The following TTLL11 variants were observed in gnomAD, a reference collection of about 807,000 sequenced individuals.
TTLL11 encodes the protein tubulin polyglutamylase TTLL11.
Under a neutral mutation model 51.7 loss-of-function variants are expected in TTLL11, and 42 were observed. The ratio of observed to expected loss-of-function variants is 0.81; its 90% CI spans 0.64 to 1.05. TTLL11 has a LOEUF of 1.05. TTLL11 is among the 50% of genes least tolerant of loss of function. TTLL11 has a pLI of 0.00. For synonymous variants in TTLL11, 381 were observed against 383.5 expected, an observed-to-expected ratio of 0.99 and a Z score of 0.08; for missense variants, 799 against 940.4, an observed-to-expected ratio of 0.85 and a Z score of 1.97.
At chr9:121,913,340 A>C (rs556818946) in intron 6 of TTLL11, among the ~76,000 whole-genome samples, 55 of 152,290 alleles carry the variant, frequency 3.6e-4, no homozygotes, top group Middle Eastern at 3.4e-3. Context: ...GGATCTGTCC[A>C]TTGGCAAAAA....
chr9:121,834,303 A>G (rs1019663548), intron 8 of TTLL11, among the ~76,000 whole-genome samples: 1 of 152,202 alleles, frequency 6.6e-6, no homozygotes, highest in African/African-American at 2.4e-5. Flanking sequence ...TACACATGGT[A>G]GATCAAACCT....
intron 6 of TTLL11, among the ~76,000 whole-genome samples, chr9:121,909,998 T>C (rs1840060902): frequency 6.6e-6 from 1 of 152,140 alleles, no homozygotes; most frequent in Non-Finnish European, 1.5e-5. Context: ...GATGCGATTT[T>C]CCCCCATAAC....
intron 6 of TTLL11, among the ~76,000 whole-genome samples, chr9:121,963,408 C>T (rs1321106032): frequency 2.0e-5 from 3 of 152,212 alleles, no homozygotes; most frequent in African/African-American, 7.2e-5. Flanking sequence ...TCTAAAAGCA[C>T]ACGAACATTT....
chr9:121,936,786 A>C (rs186153345), intron 6 of TTLL11, among the ~76,000 whole-genome samples: 3 of 152,382 alleles, frequency 2.0e-5, no homozygotes, highest in Non-Finnish European at 4.4e-5. Flanking sequence ...TAAAACATAC[A>C]TTTTAAAATA....
At chr9:121,972,627 T>C (rs1588167049) in intron 6 of TTLL11, among the ~76,000 whole-genome samples, 2 of 152,266 alleles carry the variant, frequency 1.3e-5, no homozygotes, top group African/African-American at 4.8e-5. Context: ...ACTCAGACTA[T>C]GACCAATACT....
rs1224902073 is a variant in TTLL11, at chr9:121,989,845, C to T, written c.694-75G>A. On this transcript the variant is annotated intron_variant, in intron 3 of 8. Transcript: ENST00000321582. This position sits in a 1 kb window ranked among gnomAD's most constrained non-coding sequence, Gnocchi z 4.2. ...TCCCTAACACAGAGCAAGGCCTTAG[C>T]AAATGTGTGGTGAATGAGTGACAAG... 3 of 1,517,332 alleles carry T rather than the reference C, an allele frequency of 2.0e-6. No individual in the cohort carries two copies. Among genetic ancestry groups the T allele is most frequent in the Non-Finnish European group, 2.6e-6 (3 of 1,139,596 alleles). 94.0% of individuals were successfully genotyped at this position (1,517,332 alleles called of 1,614,324 possible).
At chr9:122,019,160 C>G (rs1433780528) in intron 3 of TTLL11, among the ~76,000 whole-genome samples, 1 of 152,220 alleles carries the variant, frequency 6.6e-6, no homozygotes, top group Non-Finnish European at 1.5e-5. Flanking sequence ...TGATCTTTCT[C>G]TGCCTAAGAT....
chr9:122,032,224 C>T (rs925481638), intron 2 of TTLL11, among the ~76,000 whole-genome samples: 2 of 152,144 alleles, frequency 1.3e-5, no homozygotes, highest in East Asian at 1.9e-4. Flanking sequence ...GGCCACCTTA[C>T]GTGCTTCTGG....
rs992398891 is a variant in TTLL11, at chr9:121,820,574, C to T, written c.*2013G>A. Reference sequence around the variant, plus strand: ...CAGGGTCTTTACTTGGAGCTGAATTCATTCTCACCCAGGGACAAGGAGCCA... The same window carrying T: ...CAGGGTCTTTACTTGGAGCTGAATTTATTCTCACCCAGGGACAAGGAGCCA... On this transcript the variant is annotated 3_prime_UTR_variant, in exon 9 of 9. Coordinates refer to ENST00000321582, the MANE Select transcript of TTLL11 (RefSeq NM_001139442.2). Among the ~76,000 whole-genome samples the T allele has an allele frequency of 2.0e-5, 3 of 152,104 alleles. No homozygotes were observed. Among genetic ancestry groups the T allele is most frequent in the African/African-American group, 7.2e-5 (3 of 41,420 alleles).
At chr9:122,018,639 T>C (rs1433713519) in intron 3 of TTLL11, among the ~76,000 whole-genome samples, 11 of 152,184 alleles carry the variant, frequency 7.2e-5, no homozygotes, top group Admixed American at 5.9e-4. Flanking sequence ...CAAGATCCTG[T>C]AAGGAAGAGA....
Position 121,819,215 on chromosome 9 carries a change from C to T in TTLL11, c.*3372G>A, listed in dbSNP as rs1359586853. On this transcript the variant is annotated 3_prime_UTR_variant, in exon 9 of 9. Coordinates refer to ENST00000321582, the MANE Select transcript of TTLL11 (RefSeq NM_001139442.2). ...TATAAGTATAAGCACCTATTGCAGG[C>T]TCCATTTTGGCCAGGCCGTGAGGAC... 1 of 152,342 alleles carries T rather than the reference C, an allele frequency of 6.6e-6. No homozygotes were observed. The highest frequency in any genetic ancestry group is 1.5e-5 in the Non-Finnish European group (1 of 68,186). 9.4% of individuals were successfully genotyped at this position (152,342 alleles called of 1,614,324 possible).
chr9:122,006,524 T>C (rs1038306774), intron 3 of TTLL11, among the ~76,000 whole-genome samples: 1 of 152,178 alleles, frequency 6.6e-6, no homozygotes, highest in Non-Finnish European at 1.5e-5. Flanking sequence ...ATGTTACATA[T>C]GAAGAAATAT....
chr9:122,019,043 G>GGT (rs1844086119), intron 3 of TTLL11, among the ~76,000 whole-genome samples: 1 of 152,156 alleles, frequency 6.6e-6, no homozygotes. Context: ...CTTGGCAAAT[G>GGT]GTGACCCAGC....
rs76505809 is a variant in TTLL11, at chr9:121,845,415, T to C, written c.1840+14922A>G. On this transcript the variant is annotated intron_variant, in intron 8 of 8. Transcript: ENST00000321582. ...TTTGTAACAAATATTTAAAAACAAA[T>C]TTCAGAGAACAGAAAAATGATATGG... Among the ~76,000 whole-genome samples, 48 of 152,206 alleles carry C rather than the reference T, an allele frequency of 3.2e-4. No homozygotes were observed. The East Asian group carries it at 9.1e-3, about 29-fold the overall frequency.
At chr9:121,976,574 TG>T (rs1842716971) in intron 4 of TTLL11, among the ~76,000 whole-genome samples, 1 of 152,206 alleles carries the variant, frequency 6.6e-6, no homozygotes, top group Non-Finnish European at 1.5e-5. Context: ...TCCCCTTCTC[TG>T]TGGATTCAAG....
intron 8 of TTLL11, among the ~76,000 whole-genome samples, chr9:121,847,164 C>T (rs1335505580): frequency 1.4e-5 from 2 of 145,614 alleles, no homozygotes. Flanking sequence ...GAGGCGAGAT[C>T]GCACCACTGC....
intron 1 of TTLL11, among the ~76,000 whole-genome samples, chr9:122,057,186 T>C (rs1845310064): frequency 6.6e-6 from 1 of 152,286 alleles, no homozygotes; most frequent in Non-Finnish European, 1.5e-5. Flanking sequence ...TGCCTGTAGA[T>C]TTAAATCGGT....
chr9:122,090,793 GGC>G (rs1334196280), intron 1 of TTLL11, among the ~76,000 whole-genome samples: 2 of 152,108 alleles, frequency 1.3e-5, no homozygotes, highest in Non-Finnish European at 2.9e-5. Flanking sequence ...TATAATGCCT[GGC>G]GAAGTTTAGT....
At chr9:121,825,383 CTG>C (rs1836721289) in intron 8 of TTLL11, among the ~76,000 whole-genome samples, 1 of 152,246 alleles carries the variant, frequency 6.6e-6, no homozygotes, top group African/African-American at 2.4e-5. Context: ...AGCCCATGAA[CTG>C]TGTGTCCCTG....
Sources: allele counts gnomAD v4.1 joint callset (sites outside exome capture counted in the v4.1 genomes callset), GRCh38; gene constraint gnomAD v4.1.1; non-coding constraint Gnocchi (gnomAD v3.1); transcripts MANE v1.5; gene names NCBI Gene and HGNC (gene_info 2026-07-23, HGNC 2026-07-21).